HTR7: variants seen among roughly 807,000 people sequenced by gnomAD.
HTR7 encodes the protein 5-HT-7.
HTR7 carries 16 observed loss-of-function variants against 34.0 expected under a neutral mutation model. The observed-to-expected ratio is 0.47, with a 90% CI of 0.32 to 0.71. The LOEUF (loss-of-function observed/expected upper bound fraction) is 0.71, where lower values mean the gene tolerates loss of function less well. HTR7 is among the 30% of genes least tolerant of loss of function. The pLI is 0.04. For synonymous variants in HTR7, 265 were observed against 260.2 expected (o/e 1.02, Z -0.18); for missense variants, 504 against 625.5 (o/e 0.81, Z 2.07).
Position 90,797,028 on chromosome 10 carries a change from C to T in HTR7, c.540-47434G>A, listed in dbSNP as rs140932730. Among the ~76,000 whole-genome samples, 260 of 151,426 alleles carry T rather than the reference C, an allele frequency of 1.7e-3. 2 individuals are homozygous for T. The highest frequency in any genetic ancestry group is 5.9e-3 in the African/African-American group (243 of 41,304). On this transcript the variant is annotated intron_variant, in intron 1 of 3. Transcript: ENST00000336152. ...CTCCGTCTCAAAAAAAAAAAAAAAC[C>T]GACAAATTTTAATCTTCTCCTGATG...
chr10:90,812,778 T>A lies in HTR7; in HGVS notation c.539+44355A>T, dbSNP rs1324890976. ...CCCAACACTTCAACACTATTTTGTT[T>A]TATTTTTCTTATTAATATAAGAAGG... is the stretch of plus-strand genomic sequence containing the variant. On this transcript the variant is annotated intron_variant, in intron 1 of 3. Coordinates refer to ENST00000336152, the MANE Select transcript of HTR7 (RefSeq NM_019859.4). 2.0e-5 allele frequency among the ~76,000 whole-genome samples: 3 copies of A among 152,148 alleles called. No homozygotes were observed. In the East Asian group the frequency reaches 5.8e-4, roughly 29 times the overall value.
chr10:90,816,794 C>A lies in HTR7; in HGVS notation c.539+40339G>T, dbSNP rs1056991454. 2.0e-5 allele frequency among the ~76,000 whole-genome samples: 3 copies of A among 152,276 alleles called. No individual in the cohort carries two copies. In the South Asian group the frequency reaches 6.2e-4, roughly 32 times the overall value. On this transcript the variant is annotated intron_variant, in intron 1 of 3. Coordinates refer to ENST00000336152, the MANE Select transcript of HTR7 (RefSeq NM_019859.4). ...ACTATACAAGCACCCTCCCTCTAAG[C>A]CCGGGGACTATCATGGAAGAAGCGG...
intron 1 of HTR7, among the ~76,000 whole-genome samples, chr10:90,832,320 C>T (rs1298699070): frequency 6.6e-6 from 1 of 152,204 alleles, no homozygotes; most frequent in Non-Finnish European, 1.5e-5. Flanking sequence ...CAAGCCCTGC[C>T]CCGAGGAGAG....
chr10:90,778,804 G>T (rs1564678961), intron 1 of HTR7, among the ~76,000 whole-genome samples: 1 of 152,082 alleles, frequency 6.6e-6, no homozygotes, highest in Non-Finnish European at 1.5e-5. Flanking sequence ...TCCATTCCTG[G>T]ATACTATTTT....
Position 90,810,216 on chromosome 10 carries a change from C to T in HTR7, c.539+46917G>A, listed in dbSNP as rs181124497. Among the ~76,000 whole-genome samples the T allele has an allele frequency of 2.6e-3, 394 of 152,290 alleles. 1 individual carries two copies. Among genetic ancestry groups the T allele is most frequent in the African/African-American group, 8.9e-3 (371 of 41,568 alleles). ...GACACTTTAACTAAATTATCTGCTT[C>T]CCTGACTATTCCTGGGCTACAGCCA... On this transcript the variant is annotated intron_variant, in intron 1 of 3. Coordinates refer to ENST00000336152, the MANE Select transcript of HTR7 (RefSeq NM_019859.4).
chr10:90,783,594 A>C (rs1250415334), intron 1 of HTR7, among the ~76,000 whole-genome samples: 1 of 152,112 alleles, frequency 6.6e-6, no homozygotes, highest in Non-Finnish European at 1.5e-5. Context: ...TGTATTTTTA[A>C]AATTTTATCC....
rs1844700957 is a variant in HTR7 at position 90,749,509 on chromosome 10, G to C, written c.625C>G (p.Leu209Val). Residue 209 changes from leucine to valine, a missense_variant, in exon 2 of 4, where the codon CTC becomes GTC. Coordinates refer to ENST00000336152, the MANE Select transcript of HTR7 (RefSeq NM_019859.4). The surrounding 1 kb of genome is among the most constrained non-coding windows in gnomAD (Gnocchi z 4.2). The stretch of plus-strand genomic sequence containing the variant: ...GGAGGTAAGGTGATGGAGGCGGAGA[G>C]AAGCCAGACGGAGAGAATCATCTTC... Reference protein sequence around the residue: ...MAKMILSVWLLSASITLPPLF... With the variant: ...MAKMILSVWLVSASITLPPLF... 1.2e-6 allele frequency: 2 copies of C among 1,614,048 alleles called. No individual in the cohort carries two copies. The highest frequency in any genetic ancestry group is 2.2e-5 in the East Asian group (1 of 44,888).
intron 1 of HTR7, among the ~76,000 whole-genome samples, chr10:90,792,994 A>G (rs1331124737): frequency 6.6e-6 from 1 of 152,178 alleles, no homozygotes; most frequent in Non-Finnish European, 1.5e-5. Flanking sequence ...GGATTTGACA[A>G]TGACTTCTTG....
intron 1 of HTR7, among the ~76,000 whole-genome samples, chr10:90,768,016 A>G (rs1845049416): frequency 6.6e-6 from 1 of 152,120 alleles, no homozygotes; most frequent in Non-Finnish European, 1.5e-5. Context: ...ACAAGTTTTT[A>G]TTAAACACTT....
intron 1 of HTR7, among the ~76,000 whole-genome samples, chr10:90,770,085 G>C (rs2119749996): frequency 6.6e-6 from 1 of 152,348 alleles, no homozygotes; most frequent in Admixed American, 6.5e-5. Flanking sequence ...CTGCCCCCAG[G>C]CCCACAGCCT....
At chr10:90,856,727 C>T (rs759895443) in intron 1 of HTR7, among the ~76,000 whole-genome samples, 1 of 152,092 alleles carries the variant, frequency 6.6e-6, no homozygotes, top group African/African-American at 2.4e-5. Context: ...ATGGGGTAAG[C>T]AAGGTGGCTT....
chr10:90,844,381 G>A (rs1319783160), intron 1 of HTR7, among the ~76,000 whole-genome samples: 1 of 152,070 alleles, frequency 6.6e-6, no homozygotes, highest in Non-Finnish European at 1.5e-5. Context: ...AGGTGACTCT[G>A]GTATGCAGAT....
chr10:90,819,624 C>G (rs1845947647), intron 1 of HTR7, among the ~76,000 whole-genome samples: 1 of 152,192 alleles, frequency 6.6e-6, no homozygotes, highest in Admixed American at 6.5e-5. Flanking sequence ...CAACTCACTT[C>G]TAATTGTCCT....
intron 1 of HTR7, among the ~76,000 whole-genome samples, chr10:90,838,285 A>C (rs1047757883): frequency 3.3e-5 from 5 of 152,184 alleles, no homozygotes; most frequent in African/African-American, 9.6e-5. Context: ...TTGAGCCAAA[A>C]GCACAAGAGT....
At chr10:90,824,226 T>C (rs1028914285) in intron 1 of HTR7, among the ~76,000 whole-genome samples, 2 of 152,238 alleles carry the variant, frequency 1.3e-5, no homozygotes, top group Non-Finnish European at 2.9e-5. Flanking sequence ...GAGGTCCCCA[T>C]TCCATTTCCT....
chr10:90,785,885 G>A (rs1323712471), intron 1 of HTR7, among the ~76,000 whole-genome samples: 1 of 152,186 alleles, frequency 6.6e-6, no homozygotes, highest in South Asian at 2.1e-4. Context: ...CCCTTCTTGG[G>A]AGAGCTGGAA....
intron 1 of HTR7, among the ~76,000 whole-genome samples, chr10:90,824,207 C>G (rs1366947305): frequency 6.6e-6 from 1 of 152,232 alleles, no homozygotes; most frequent in Non-Finnish European, 1.5e-5. Flanking sequence ...GGGTACCAAA[C>G]AGAGTTCTGA....
intron 1 of HTR7, among the ~76,000 whole-genome samples, chr10:90,797,295 AT>A (rs1845555994): frequency 6.6e-6 from 1 of 152,054 alleles, no homozygotes; most frequent in Admixed American, 6.5e-5. Context: ...GAAGGAAACT[AT>A]TTTCTTCCTC....
intron 1 of HTR7, among the ~76,000 whole-genome samples, chr10:90,797,782 T>C (rs1411079987): frequency 2.0e-5 from 3 of 152,254 alleles, no homozygotes. Context: ...GTTCATTTTG[T>C]GTTGCTATAA....
Sources: gnomAD v4.1 joint callset for allele counts (sites outside exome capture counted in the v4.1 genomes callset) on GRCh38, gnomAD v4.1.1 for gene constraint, Gnocchi (gnomAD v3.1) non-coding constraint, MANE v1.5 for transcripts, NCBI Gene and HGNC (gene_info 2026-07-23, HGNC 2026-07-21) for gene names.